Variants in CYBRD1 observed in about 807,000 individuals in gnomAD.
CYBRD1 encodes the protein cytochrome b reductase 1.
Under a neutral mutation model 21.9 loss-of-function variants are expected in CYBRD1, and 14 were observed. The ratio of observed to expected loss-of-function variants is 0.64; its 90% confidence interval spans 0.42 to 1.00. CYBRD1 has a LOEUF of 1.00. Ranked by LOEUF, CYBRD1 falls within the 50% of genes least tolerant of loss-of-function variation. The probability of loss-of-function intolerance (pLI) is 0.00; values close to 1 mark genes in which losing one functional copy is unlikely to be tolerated. For synonymous variants in CYBRD1, 146 were observed against 136.5 expected (o/e 1.07, Z -0.48); for missense variants, 328 against 352.5 (o/e 0.93, Z 0.56).
chr2:171,530,439 G>T (rs1697449224), intron 1 of CYBRD1, among the ~76,000 whole-genome samples: 1 of 152,170 alleles, frequency 6.6e-6, no homozygotes, highest in South Asian at 2.1e-4. Context: ...AACCAGCGTT[G>T]CCTAATAACT....
intron 1 of CYBRD1, chr2:171,539,898 T>G (rs1697603789): frequency 6.6e-6 from 1 of 152,050 alleles, no homozygotes; most frequent in African/African-American, 2.4e-5. Context: ...CTGGCTAATT[T>G]TTTTGTATTT....
rs1400029610 is a variant in CYBRD1 at position 171,522,965 on chromosome 2, G to A, written c.193+227G>A. ...TCAGGAGGATCGCCGCGAGCGCGGG[G>A]CCGGGGGTGCGCGGTGGAGACGCGC... On this transcript the variant is annotated intron_variant, in intron 1 of 3. Coordinates refer to ENST00000321348, the MANE Select transcript of CYBRD1 (RefSeq NM_024843.4). This position sits in a 1 kb window ranked among gnomAD's most constrained non-coding sequence, Gnocchi z 4.3. 7.6e-6 allele frequency: 5 copies of A among 659,014 alleles called. No homozygotes were observed. The highest frequency in any genetic ancestry group is 1.2e-5 in the Non-Finnish European group (5 of 406,578). 40.8% of individuals were successfully genotyped at this position (659,014 alleles called of 1,614,324 possible).
intron 1 of CYBRD1, among the ~76,000 whole-genome samples, chr2:171,529,663 A>G (rs1234346568): frequency 1.3e-5 from 2 of 152,074 alleles, no homozygotes; most frequent in Non-Finnish European, 2.9e-5. Flanking sequence ...GGCAGTGGGC[A>G]TCCTTGCAGC....
At chr2:171,532,091 A>G (rs1314907590) in intron 1 of CYBRD1, among the ~76,000 whole-genome samples, 2 of 152,214 alleles carry the variant, frequency 1.3e-5, no homozygotes, top group Non-Finnish European at 2.9e-5. Context: ...TCTCTTTGAC[A>G]GCCACTGCAG....
intron 1 of CYBRD1, among the ~76,000 whole-genome samples, chr2:171,528,598 G>A (rs1288269984): frequency 1.3e-5 from 2 of 152,198 alleles, no homozygotes; most frequent in East Asian, 3.9e-4. Flanking sequence ...TTCTTTGGTG[G>A]TCAATCTTAT....
At position 171,554,593 on chromosome 2, in the gene CYBRD1, G is replaced by C. The variant is rs1683448534; in HGVS notation, c.627G>C (p.Leu209=). The change falls in exon 4 of 4, where the codon CTG becomes CTC. Residue 209 remains leucine (L), a synonymous_variant. Coordinates refer to ENST00000321348, the MANE Select transcript of CYBRD1 (RefSeq NM_024843.4). The part of the protein sequence containing the change: ...VFVNTLGLLI[L]VFGALIFWIV... ...TAAATACGCTTGGCCTTCTGATCCT[G>C]GTGTTCGGGGCCCTCATTTTTTGGA... 6.2e-7 allele frequency: 1 copy of C among 1,613,966 alleles called. No individual in the cohort carries two copies. The highest frequency in any genetic ancestry group is 1.3e-5 in the African/African-American group (1 of 75,010).
At chr2:171,543,427 TC>T (rs2105340747) in intron 2 of CYBRD1, among the ~76,000 whole-genome samples, 1 of 152,286 alleles carries the variant, frequency 6.6e-6, no homozygotes, top group East Asian at 1.9e-4. Context: ...GCAATGGACA[TC>T]CAGTCCATCT....
In CYBRD1 at chr2:171,554,796, T is replaced by G. The variant is rs748357271; in HGVS notation, c.830T>G (p.Leu277Arg). 12 of 1,613,332 alleles carry G rather than the reference T, an allele frequency of 7.4e-6. No homozygotes were observed. The change falls in exon 4 of 4, where the codon CTG becomes CGG. Residue 277 changes from leucine to arginine, a missense_variant. Transcript: ENST00000321348. ...EVAARKRNLA[L>R]DEAGQRSTM ...GCAGCAAGGAAAAGAAACTTAGCTCTGGATGAGGCTGGGCAGAGATCTACC... is the reference window on the plus strand; with the variant it reads ...GCAGCAAGGAAAAGAAACTTAGCTCGGGATGAGGCTGGGCAGAGATCTACC...
At chr2:171,525,185 A>G (rs1697366845) in intron 1 of CYBRD1, among the ~76,000 whole-genome samples, 2 of 152,018 alleles carry the variant, frequency 1.3e-5, no homozygotes, top group Admixed American at 6.6e-5. Flanking sequence ...TGATCCGCCT[A>G]CCTCGGCCCC....
In CYBRD1 at chr2:171,528,080, C is replaced by CTTTAT. The variant is rs565108426; in HGVS notation, c.193+5356_193+5360dup. Among the ~76,000 whole-genome samples, 197 of 150,068 alleles carry CTTTAT rather than the reference C, an allele frequency of 1.3e-3. 5 individuals are homozygous for CTTTAT. The East Asian group carries it at 0.027, about 20-fold the overall frequency. On this transcript the variant is annotated intron_variant, in intron 1 of 3. Transcript: ENST00000321348. ...TGACCCCTCACTCCTCCTTGGGGCACTTTATTTTATTTTATTTTTTTTGAG... is the reference window on the plus strand; with the variant it reads ...TGACCCCTCACTCCTCCTTGGGGCACTTTATTTTATTTTATTTTATTTTTTTTGAG...
chr2:171,530,246 G>A (rs1357186608), intron 1 of CYBRD1, among the ~76,000 whole-genome samples: 2 of 152,134 alleles, frequency 1.3e-5, no homozygotes, highest in African/African-American at 4.8e-5. Flanking sequence ...TAAATATGTT[G>A]TTTTAAGTTA....
intron 2 of CYBRD1, 56 bp downstream of exon 2, chr2:171,541,849 A>C (rs1445750410): frequency 2.1e-5 from 27 of 1,264,168 alleles, no homozygotes; most frequent in Non-Finnish European, 3.0e-5. Context: ...GAGACTGTAA[A>C]TGTTTTCTTT....
At chr2:171,531,430 C>A (rs1256963255) in intron 1 of CYBRD1, among the ~76,000 whole-genome samples, 1 of 151,948 alleles carries the variant, frequency 6.6e-6, no homozygotes, top group Non-Finnish European at 1.5e-5. Context: ...TGGTTGGACA[C>A]GAGTTATGGT....
chr2:171,550,410 C>T (rs1271705026), intron 2 of CYBRD1, among the ~76,000 whole-genome samples: 1 of 152,020 alleles, frequency 6.6e-6, no homozygotes, highest in Non-Finnish European at 1.5e-5. Flanking sequence ...TGCATGCCTT[C>T]TGTGAACAGC....
intron 1 of CYBRD1, among the ~76,000 whole-genome samples, chr2:171,536,151 TTGAG>T (rs1319083643): frequency 6.7e-6 from 1 of 149,454 alleles, no homozygotes; most frequent in African/African-American, 2.5e-5. Flanking sequence ...TTTTTTTTTT[TTGAG>T]ACAGTGTCTT....
intron 1 of CYBRD1, among the ~76,000 whole-genome samples, chr2:171,529,531 C>CAAAAAA (rs57600338): frequency 7.2e-5 from 5 of 69,238 alleles, no homozygotes; most frequent in African/African-American, 1.3e-4. Context: ...AACTCTGTCT[C>CAAAAAA]AAAAAAAAAA....
chr2:171,554,103 G>T (rs998647559), intron 3 of CYBRD1, among the ~76,000 whole-genome samples: 2 of 152,162 alleles, frequency 1.3e-5, no homozygotes, highest in African/African-American at 2.4e-5. Context: ...TTGATTGGTT[G>T]TAGAAAGCAA....
At chr2:171,530,270 A>T (rs192918125) in intron 1 of CYBRD1, among the ~76,000 whole-genome samples, 26 of 152,340 alleles carry the variant, frequency 1.7e-4, no homozygotes, top group African/African-American at 6.0e-4. Flanking sequence ...GATTTCTGGT[A>T]ATTTGTTATG....
At chr2:171,541,923 G>C in intron 2 of CYBRD1, 130 bp downstream of exon 2, 3 of 774,260 alleles carry the variant, frequency 3.9e-6, no homozygotes, top group Non-Finnish European at 6.1e-6. Context: ...GGAGTGCAGT[G>C]CTGCGATCTT....
Sources: gnomAD v4.1 joint callset for allele counts (sites outside exome capture counted in the v4.1 genomes callset) on GRCh38, gnomAD v4.1.1 for gene constraint, Gnocchi (gnomAD v3.1) non-coding constraint, MANE v1.5 for transcripts, NCBI Gene and HGNC (gene_info 2026-07-23, HGNC 2026-07-21) for gene names.